The following KIF1B variants were observed in gnomAD, a reference collection of about 807,000 sequenced individuals.
The protein encoded by KIF1B is kinesin family member 1B.
KIF1B carries 76 observed loss-of-function variants against 241.9 expected under a neutral mutation model. The ratio of observed to expected loss-of-function variants is 0.31; its 90% CI spans 0.26 to 0.38. The LOEUF is 0.38. Ranked by LOEUF, KIF1B falls within the 10% of genes least tolerant of loss-of-function variation. The probability of loss-of-function intolerance (pLI) is 1.00; values close to 1 mark genes in which losing one functional copy is unlikely to be tolerated. For synonymous variants in KIF1B, 750 were observed against 796.7 expected (o/e 0.94, Z 0.99); for missense variants, 1,622 against 2,271.4 (o/e 0.71, Z 5.81).
rs1192354175 is a variant in KIF1B, at chr1:10,365,446, G to A, written c.4550G>A (p.Arg1517Lys). The change falls in exon 43 of 49, where the codon AGA becomes AAA. Residue 1517 changes from arginine (R) to lysine (K), a missense_variant. Coordinates refer to ENST00000676179, the MANE Select transcript of KIF1B (RefSeq NM_001365951.3). The surrounding 1 kb of genome is among the most constrained non-coding windows in gnomAD (Gnocchi z 4.0). ...CGCCACTTTTTGCTGCTGCGTGAGA[G>A]ACTTGGTGACAGCATCCCCAAATCC... ...KTRHFLLLRE[R>K]LGDSIPKSLS... The A allele has an allele frequency of 2.5e-6, 4 of 1,614,146 alleles. No individual in the cohort carries two copies. Among genetic ancestry groups the A allele is most frequent in the Non-Finnish European group, 3.4e-6 (4 of 1,180,036 alleles).
At chr1:10,247,406 C>T (rs533906630) in intron 2 of KIF1B, among the ~76,000 whole-genome samples, 1 of 152,316 alleles carries the variant, frequency 6.6e-6, no homozygotes, top group African/African-American at 2.4e-5. Flanking sequence ...GATCTTTTAT[C>T]TCCTAACCCG....
At chr1:10,237,759 T>TA (rs1375564352) in intron 2 of KIF1B, among the ~76,000 whole-genome samples, 17 of 152,064 alleles carry the variant, frequency 1.1e-4, no homozygotes, top group Non-Finnish European at 2.4e-4. Context: ...GTAATCCCAG[T>TA]ACTTTGGGAG....
intron 26 of KIF1B, 83 bp downstream of exon 26, chr1:10,324,978 G>C (rs1018078201): frequency 1.8e-5 from 28 of 1,534,900 alleles, no homozygotes; most frequent in Non-Finnish European, 2.4e-5. Context: ...AATATAAAAA[G>C]TTAAGAGGAA....
intron 6 of KIF1B, 78 bp downstream of exon 6, chr1:10,267,636 C>T: frequency 7.4e-7 from 1 of 1,353,374 alleles, no homozygotes; most frequent in Non-Finnish European, 1.1e-6. Context: ...GGGTTTGAGG[C>T]CACATTTATA....
Position 10,258,495 on chromosome 1 carries a change from C to G in KIF1B, c.186C>G (p.Pro62=). Residue 62 remains proline, a splice_region_variant and synonymous_variant, in exon 4 of 49, where the codon CCC becomes CCG. Coordinates refer to ENST00000676179, the MANE Select transcript of KIF1B (RefSeq NM_001365951.3). ...FDYSYWSHTS[P]EDPCFASQNR... ...ATTTCTCCTTTTACTCTTTACAGCC[C>G]GAAGATCCCTGTTTTGCATCTCAAA... 1 of 1,613,646 alleles carries G rather than the reference C, an allele frequency of 6.2e-7. No individual in the cohort carries two copies. Among genetic ancestry groups the G allele is most frequent in the Non-Finnish European group, 8.5e-7 (1 of 1,179,750 alleles).
At chr1:10,288,176 T>C (rs1300110127) in intron 15 of KIF1B, among the ~76,000 whole-genome samples, 1 of 152,200 alleles carries the variant, frequency 6.6e-6, no homozygotes, top group Non-Finnish European at 1.5e-5. Context: ...TTTCTTTTTT[T>C]AAAGAGGGGC....
At position 10,270,699 on chromosome 1, in the gene KIF1B, T is replaced by G. The variant is rs991023584; in HGVS notation, c.721-803T>G. On this transcript the variant is annotated intron_variant, in intron 7 of 48. Transcript: ENST00000676179. ...CAGCACCATGGGAGGCTGAGGCGGG[T>G]GGATCACAAGGTCAGGAGTTTGAGA... is the stretch of plus-strand genomic sequence containing the variant. 2.6e-5 allele frequency among the ~76,000 whole-genome samples: 4 copies of G among 151,422 alleles called. No individual in the cohort carries two copies. In the East Asian group the frequency reaches 7.8e-4, roughly 29 times the overall value.
At chr1:10,257,054 A>G (rs951692925) in intron 3 of KIF1B, among the ~76,000 whole-genome samples, 3 of 151,878 alleles carry the variant, frequency 2.0e-5, no homozygotes, top group Non-Finnish European at 4.4e-5. Flanking sequence ...GTTAATTTTA[A>G]GTTGAATTTT....
intron 1 of KIF1B, among the ~76,000 whole-genome samples, chr1:10,228,512 C>G (rs1161172576): frequency 6.6e-6 from 1 of 152,188 alleles, no homozygotes; most frequent in Non-Finnish European, 1.5e-5. Flanking sequence ...GATCTTGCAA[C>G]AGGGTTAAGC....
intron 31 of KIF1B, among the ~76,000 whole-genome samples, chr1:10,339,420 T>C (rs1015634604): frequency 6.6e-6 from 1 of 152,254 alleles, no homozygotes; most frequent in East Asian, 1.9e-4. Context: ...TTGAGTCTGC[T>C]AAATTTTGTC....
rs767630302 is a variant in KIF1B at position 10,267,363 on chromosome 1, T to C, written c.430-17T>C. 2 of 1,612,032 alleles carry C rather than the reference T, an allele frequency of 1.2e-6. No homozygotes were observed. Among genetic ancestry groups the C allele is most frequent in the African/African-American group, 2.7e-5 (2 of 74,872 alleles). Reference sequence around the variant, plus strand: ...ATTTCTTTTTCACTCTAATTCACTTTACTAATTTGTTCATAGGTGAGCTAC... The same window carrying C: ...ATTTCTTTTTCACTCTAATTCACTTCACTAATTTGTTCATAGGTGAGCTAC... On this transcript the variant is annotated splice_polypyrimidine_tract_variant and intron_variant, in intron 5 of 48. Coordinates refer to ENST00000676179, the MANE Select transcript of KIF1B (RefSeq NM_001365951.3).
chr1:10,341,841 C>G (rs1326738097), intron 32 of KIF1B, among the ~76,000 whole-genome samples: 1 of 151,748 alleles, frequency 6.6e-6, no homozygotes, highest in East Asian at 1.9e-4. Flanking sequence ...CATGGTGGTG[C>G]ATGTCTGTAG....
chr1:10,219,044 A>G (rs1406687814), intron 1 of KIF1B, among the ~76,000 whole-genome samples: 1 of 152,226 alleles, frequency 6.6e-6, no homozygotes, highest in Non-Finnish European at 1.5e-5. Context: ...AAAAAGGGAA[A>G]GATAAATTGT....
At chr1:10,266,884 G>T (rs1420505462) in intron 5 of KIF1B, among the ~76,000 whole-genome samples, 2 of 152,164 alleles carry the variant, frequency 1.3e-5, no homozygotes, top group African/African-American at 4.8e-5. Context: ...ATTGTTAATA[G>T]AATAAAAGGG....
rs1186418166 is a variant in KIF1B at position 10,376,852 on chromosome 1, CACACACACACACACAT to C, written c.*271_*286del. On this transcript the variant is annotated 3_prime_UTR_variant, in exon 49 of 49. Transcript: ENST00000676179. ...GTTTTTAAACACACACACACACACA[CACACACACACACACAT>C]ACACAGACAAAAACACAAAAACTCT... 2.2e-6 allele frequency: 1 copy of C among 462,398 alleles called. No homozygotes were observed. The highest frequency in any genetic ancestry group is 3.3e-5 in the Admixed American group (1 of 29,860). 28.6% of individuals were successfully genotyped at this position (462,398 alleles called of 1,614,324 possible). A position where few individuals can be genotyped will look rare whatever the true frequency, so the allele number is the denominator to read the frequency against.
chr1:10,352,843 ACTCCCTT>A, intron 38 of KIF1B, 107 bp downstream of exon 38: 1 of 779,076 alleles, frequency 1.3e-6, no homozygotes, highest in Non-Finnish European at 2.3e-6. Context: ...AAAGAAATTA[ACTCCCTT>A]CTCCCTTCTA....
At chr1:10,216,530 A>T (rs1010821004) in intron 1 of KIF1B, among the ~76,000 whole-genome samples, 40 of 151,926 alleles carry the variant, frequency 2.6e-4, no homozygotes, top group Non-Finnish European at 5.0e-4. Context: ...TACCATCCAT[A>T]CCCTCCATTC....
At chr1:10,361,848 C>G (rs375792480) in intron 40 of KIF1B, 23 bp downstream of exon 40, 7 of 1,612,212 alleles carry the variant, frequency 4.3e-6, no homozygotes, top group Non-Finnish European at 5.9e-6. Flanking sequence ...CACAAGTTAG[C>G]TTCCAGTGTG....
chr1:10,314,594 G>A (rs1651221780), intron 22 of KIF1B, among the ~76,000 whole-genome samples: 1 of 151,194 alleles, frequency 6.6e-6, no homozygotes, highest in South Asian at 2.1e-4. Context: ...TAATTTTTGT[G>A]TTTTTAGCAG....
Sources: allele counts gnomAD v4.1 joint callset (sites outside exome capture counted in the v4.1 genomes callset), GRCh38; gene constraint gnomAD v4.1.1; non-coding constraint Gnocchi (gnomAD v3.1); transcripts MANE v1.5; gene names NCBI Gene and HGNC (gene_info 2026-07-23, HGNC 2026-07-21).